The following NRXN1 variants were observed in gnomAD, a reference collection of about 807,000 sequenced individuals.
The protein encoded by NRXN1 is neurexin 1, also known as neurexin-1.
In NRXN1, 39 loss-of-function variants were observed where a neutral mutation model predicts 150.9. The observed-to-expected ratio is 0.26, with a 90% CI of 0.20 to 0.34. The LOEUF is 0.34. Ranked by LOEUF, NRXN1 falls within the 10% of genes least tolerant of loss-of-function variation. The pLI is 1.00. For synonymous variants in NRXN1, 924 were observed against 757.0 expected (o/e 1.22, Z -3.62); for missense variants, 1,815 against 1,949.9 (o/e 0.93, Z 1.30).
intron 5 of NRXN1, among the ~76,000 whole-genome samples, chr2:50,705,049 A>AACACACAC (rs10679163): frequency 8.9e-5 from 13 of 145,738 alleles, no homozygotes; most frequent in Admixed American, 5.5e-4. Flanking sequence ...CAGAAACACA[A>AACACACAC]ACACACACAC....
intron 2 of NRXN1, among the ~76,000 whole-genome samples, chr2:50,953,346 T>C (rs953691620): frequency 6.6e-6 from 1 of 152,170 alleles, no homozygotes; most frequent in Non-Finnish European, 1.5e-5. Context: ...GTCTGGAATA[T>C]AGTAGTTAAG....
chr2:49,992,885 CA>C (rs1682248689), intron 21 of NRXN1, among the ~76,000 whole-genome samples: 1 of 152,106 alleles, frequency 6.6e-6, no homozygotes, highest in Non-Finnish European at 1.5e-5. Flanking sequence ...TTAGAATGAC[CA>C]AAATCTGGAA....
At chr2:50,594,648 A>C (rs79493156) in intron 8 of NRXN1, among the ~76,000 whole-genome samples, 3,400 of 152,294 alleles carry the variant, frequency 0.022, 102 homozygotes, top group East Asian at 0.082. Flanking sequence ...CCATAGAAAT[A>C]GTATAAATGT....
At chr2:50,596,025 C>G (rs1278482540) in intron 8 of NRXN1, among the ~76,000 whole-genome samples, 1 of 152,140 alleles carries the variant, frequency 6.6e-6, no homozygotes, top group Admixed American at 6.5e-5. Context: ...CATATATATT[C>G]CTAGCTAGAG....
intron 17 of NRXN1, among the ~76,000 whole-genome samples, chr2:50,368,119 T>G (rs1177326047): frequency 6.6e-6 from 1 of 151,998 alleles, no homozygotes; most frequent in East Asian, 1.9e-4. Context: ...GATAAATACT[T>G]AAATCTAGCT....
intron 16 of NRXN1, 116 bp downstream of exon 16, chr2:50,472,182 T>C: frequency 1.2e-6 from 1 of 829,928 alleles, no homozygotes; most frequent in South Asian, 3.5e-5. Context: ...TAAGGATGTC[T>C]AAGCCCAAAT....
chr2:50,957,072 G>A (rs1032112951), intron 2 of NRXN1, among the ~76,000 whole-genome samples: 5 of 152,168 alleles, frequency 3.3e-5, no homozygotes, highest in African/African-American at 1.2e-4. Context: ...TGTTCTCTAT[G>A]CTTGGAATGT....
chr2:50,088,338 C>T (rs1264063409), intron 19 of NRXN1, among the ~76,000 whole-genome samples: 1 of 152,082 alleles, frequency 6.6e-6, no homozygotes, highest in East Asian at 1.9e-4. Context: ...GAACACAGAG[C>T]AGATGATTAA....
rs1476151506 is a variant in NRXN1, at chr2:50,375,137, C to A, written c.3364+90305G>T. ...ACTTGCATTCATGATATATTGGATG[C>A]CATTCTAAACATCTTTTAATATACC... On this transcript the variant is annotated intron_variant, in intron 17 of 22. Transcript: ENST00000401669. Among the ~76,000 whole-genome samples the A allele has an allele frequency of 2.0e-5, 3 of 151,890 alleles. No homozygotes were observed. In the East Asian group the frequency reaches 5.8e-4, roughly 29 times the overall value.
intron 8 of NRXN1, chr2:50,588,611 G>T (rs967646559): frequency 6.6e-6 from 1 of 152,032 alleles, no homozygotes; most frequent in Admixed American, 6.6e-5. Context: ...TGGCTTTTTG[G>T]AGTTTACCTA....
intron 22 of NRXN1, among the ~76,000 whole-genome samples, chr2:49,928,830 T>C (rs970474879): frequency 6.6e-6 from 1 of 152,226 alleles, no homozygotes; most frequent in East Asian, 1.9e-4. Context: ...ATGCTGACTG[T>C]TTCAAATTCC....
chr2:50,554,585 C>A (rs573071881), intron 8 of NRXN1: 27 of 152,166 alleles, frequency 1.8e-4, no homozygotes, highest in African/African-American at 6.5e-4. Flanking sequence ...CATTCCAATG[C>A]CAATCACATT....
intron 13 of NRXN1, among the ~76,000 whole-genome samples, chr2:50,498,693 A>G (rs2104929601): frequency 6.6e-6 from 1 of 152,338 alleles, no homozygotes; most frequent in South Asian, 2.1e-4. Context: ...TAAATAAGCA[A>G]AGATGTGAAC....
At chr2:50,152,278 T>C (rs1461645713) in intron 18 of NRXN1, among the ~76,000 whole-genome samples, 1 of 151,802 alleles carries the variant, frequency 6.6e-6, no homozygotes, top group Non-Finnish European at 1.5e-5. Flanking sequence ...GTACATTATA[T>C]AAGTAGAATC....
In NRXN1 at chr2:50,829,778, A is replaced by T. The variant is rs1671133337; in HGVS notation, c.832+92091T>A. ...GCCCGCTTAAGTGCCACTCAGCCCT[A>T]ATGTTTTTATTTATGAAGTAACTTA... is the stretch of plus-strand genomic sequence containing the variant. On this transcript the variant is annotated intron_variant, in intron 5 of 22. Coordinates refer to ENST00000401669, the MANE Select transcript of NRXN1 (RefSeq NM_001330078.2). 5 of 1,538,106 alleles carry T rather than the reference A, an allele frequency of 3.3e-6. No individual in the cohort carries two copies. In the South Asian group the frequency reaches 4.8e-5, roughly 15 times the overall value.
Position 50,378,301 on chromosome 2 carries a change from G to T in NRXN1, c.3364+87141C>A, listed in dbSNP as rs536068868. Among the ~76,000 whole-genome samples the T allele has an allele frequency of 7.2e-5, 11 of 152,284 alleles. No individual in the cohort carries two copies. The South Asian group carries it at 2.1e-3, about 29-fold the overall frequency. ...CTGATATTCATTGACTATTCAGATA[G>T]TCTTCAACTTAAGATGGGGTTATCT... is the stretch of plus-strand genomic sequence containing the variant. On this transcript the variant is annotated intron_variant, in intron 17 of 22. Transcript: ENST00000401669.
chr2:50,574,859 G>A (rs1671160912), intron 8 of NRXN1, among the ~76,000 whole-genome samples: 1 of 152,154 alleles, frequency 6.6e-6, no homozygotes, highest in Non-Finnish European at 1.5e-5. Flanking sequence ...TTTGAATCAG[G>A]GGATTCTTGT....
At chr2:50,873,058 G>A (rs757094800) in intron 5 of NRXN1, among the ~76,000 whole-genome samples, 2 of 151,754 alleles carry the variant, frequency 1.3e-5, no homozygotes, top group African/African-American at 4.8e-5. Context: ...TTAGATCACA[G>A]ACACTGGAAC....
Position 49,921,633 on chromosome 2 carries a change from G to T in NRXN1, c.*311C>A. 1 of 320,128 alleles carries T rather than the reference G, an allele frequency of 3.1e-6. No homozygotes were observed. Among genetic ancestry groups the T allele is most frequent in the South Asian group, 3.7e-5 (1 of 27,152 alleles). The allele number at this position is 320,128 out of a possible 1,614,324, so 19.8% of individuals were successfully genotyped here. On this transcript the variant is annotated 3_prime_UTR_variant, in exon 23 of 23. Transcript: ENST00000401669. ...TGCCTTGATGCTGTAGTACTCCTTT[G>T]CTTTATGAATGCGTGCGGTCATCAC... is the stretch of plus-strand genomic sequence containing the variant.
Sources: allele counts gnomAD v4.1 joint callset (sites outside exome capture counted in the v4.1 genomes callset), GRCh38; gene constraint gnomAD v4.1.1; transcripts MANE v1.5; gene names NCBI Gene and HGNC (gene_info 2026-07-23, HGNC 2026-07-21).